The following PHACTR1 variants were observed in gnomAD, a reference collection of about 807,000 sequenced individuals.
The protein encoded by PHACTR1 is phosphatase and actin regulator 1, also known as RPEL repeat containing 1.
Under a neutral mutation model 69.2 loss-of-function variants are expected in PHACTR1, and 16 were observed. The observed-to-expected ratio is 0.23, with a 90% CI of 0.16 to 0.35. PHACTR1 has a LOEUF of 0.35. Among genes scored for constraint, PHACTR1 ranks in the 10% least tolerant of loss-of-function variants. The pLI, the probability that PHACTR1 is intolerant of heterozygous loss-of-function variation, is 1.00. For missense variants in PHACTR1, 510 were observed against 734.7 expected, an observed-to-expected ratio of 0.69 and a Z score of 3.54; for synonymous variants, 312 against 284.5, an observed-to-expected ratio of 1.10 and a Z score of -0.97.
chr6:13,074,016 G>A (rs1809983739), intron 5 of PHACTR1, among the ~76,000 whole-genome samples: 1 of 152,066 alleles, frequency 6.6e-6, no homozygotes, highest in Non-Finnish European at 1.5e-5. Flanking sequence ...GGGATTACAG[G>A]CGTATGCCAC....
At chr6:13,092,014 AG>A (rs1490840162) in intron 5 of PHACTR1, among the ~76,000 whole-genome samples, 1 of 152,108 alleles carries the variant, frequency 6.6e-6, no homozygotes, top group African/African-American at 2.4e-5. Context: ...TAGCCAGGAC[AG>A]TCTCGATCTC....
chr6:12,851,193 A>G (rs916477561), intron 4 of PHACTR1, among the ~76,000 whole-genome samples: 1 of 152,248 alleles, frequency 6.6e-6, no homozygotes, highest in Non-Finnish European at 1.5e-5. Flanking sequence ...CAGACTGATC[A>G]ACAAGAATTG....
At chr6:13,159,495 A>G (rs1190160610) in intron 5 of PHACTR1, among the ~76,000 whole-genome samples, 7 of 152,206 alleles carry the variant, frequency 4.6e-5, no homozygotes, top group Admixed American at 2.0e-4. Flanking sequence ...TGTTCAGGAA[A>G]GTTCAGTAAG....
At chr6:13,203,099 G>A (rs552130397) in intron 7 of PHACTR1, among the ~76,000 whole-genome samples, 59 of 152,330 alleles carry the variant, frequency 3.9e-4, no homozygotes, top group African/African-American at 1.2e-3. Flanking sequence ...CCACAACTGC[G>A]TGATCCTAAA....
At chr6:13,214,220 A>AAAG (rs1767335207) in intron 8 of PHACTR1, 1 of 24,284 alleles carries the variant, frequency 4.1e-5, no homozygotes, top group African/African-American at 9.9e-5. Flanking sequence ...CTTTCCCCTG[A>AAAG]AAAAAAAAAA....
Position 12,851,755 on chromosome 6 carries a change from G to A in PHACTR1, c.250+101965G>A, listed in dbSNP as rs555153252. Among the ~76,000 whole-genome samples, 9 of 152,204 alleles carry A rather than the reference G, an allele frequency of 5.9e-5. No individual in the cohort carries two copies. In the East Asian group the frequency reaches 7.7e-4, roughly 13 times the overall value. On this transcript the variant is annotated intron_variant, in intron 4 of 14. Transcript: ENST00000332995. ...TTACACAATCAGGCATTGCTCTGCC[G>A]AATGTTTTCTTTTGTCATGTATTCC...
chr6:12,921,482 A>AAGGAAGGAT (rs1787648074), intron 4 of PHACTR1, among the ~76,000 whole-genome samples: 1 of 134,656 alleles, frequency 7.4e-6, no homozygotes, highest in African/African-American at 2.9e-5. Context: ...GAAGGAAGGA[A>AAGGAAGGAT]GGAGGGAAGG....
chr6:12,837,136 G>A (rs1422539125), intron 4 of PHACTR1, among the ~76,000 whole-genome samples: 9 of 152,122 alleles, frequency 5.9e-5, no homozygotes, highest in Admixed American at 3.3e-4. Context: ...AGTGCAGCAA[G>A]CACAAAAACC....
At chr6:12,891,304 C>T (rs1315209358) in intron 4 of PHACTR1, among the ~76,000 whole-genome samples, 3 of 151,994 alleles carry the variant, frequency 2.0e-5, no homozygotes, top group Admixed American at 1.3e-4. Flanking sequence ...AAGTGGGTAA[C>T]ATGATGTAGT....
chr6:12,807,376 G>A (rs1774464128), intron 4 of PHACTR1, among the ~76,000 whole-genome samples: 1 of 152,102 alleles, frequency 6.6e-6, no homozygotes, highest in Admixed American at 6.6e-5. Flanking sequence ...TCCGCAACAG[G>A]CTGATGGCAT....
chr6:13,015,476 C>T (rs917961944), intron 4 of PHACTR1, among the ~76,000 whole-genome samples: 2 of 152,156 alleles, frequency 1.3e-5, no homozygotes, highest in African/African-American at 4.8e-5. Context: ...CTATGGAATA[C>T]AAATGGATTA....
chr6:13,089,079 C>T, intron 5 of PHACTR1, among the ~76,000 whole-genome samples: 1 of 152,206 alleles, frequency 6.6e-6, no homozygotes, highest in East Asian at 1.9e-4. Flanking sequence ...TGCAATCAGA[C>T]AGGGACCTTC....
At chr6:12,870,741 C>T (rs1781950318) in intron 4 of PHACTR1, among the ~76,000 whole-genome samples, 1 of 152,206 alleles carries the variant, frequency 6.6e-6, no homozygotes, top group African/African-American at 2.4e-5. Context: ...AGCCCATCCT[C>T]ATACTTCCAT....
rs549281364 is a variant in PHACTR1, at chr6:13,000,840, G to A, written c.251-52525G>A. 1.0e-3 allele frequency among the ~76,000 whole-genome samples: 158 copies of A among 152,172 alleles called. 1 individual carries two copies. Among genetic ancestry groups the A allele is most frequent in the African/African-American group, 3.7e-3 (155 of 41,512 alleles). On this transcript the variant is annotated intron_variant, in intron 4 of 14. Transcript: ENST00000332995. ...GTGTCATTTTTCCTCTTCCAACAAG[G>A]TTATTTATGTTTCTTTCTTCCCCAA... is the stretch of plus-strand genomic sequence containing the variant.
chr6:13,110,379 T>A (rs2127901758), intron 5 of PHACTR1, among the ~76,000 whole-genome samples: 1 of 152,342 alleles, frequency 6.6e-6, no homozygotes, highest in East Asian at 1.9e-4. Flanking sequence ...TTCTGGGATC[T>A]GTGCACAATG....
At chr6:12,932,146 C>T (rs973679000) in intron 4 of PHACTR1, among the ~76,000 whole-genome samples, 2 of 152,190 alleles carry the variant, frequency 1.3e-5, no homozygotes, top group Admixed American at 6.5e-5. Flanking sequence ...AGTGACTTTG[C>T]TTCAATAACC....
intron 3 of PHACTR1, among the ~76,000 whole-genome samples, chr6:12,723,855 A>T (rs773281729): frequency 1.3e-5 from 2 of 152,180 alleles, no homozygotes; most frequent in Non-Finnish European, 2.9e-5. Flanking sequence ...CACACACGGT[A>T]ATCTTTTAAA....
intron 4 of PHACTR1, among the ~76,000 whole-genome samples, chr6:12,782,241 C>G (rs1425477568): frequency 6.6e-6 from 1 of 152,168 alleles, no homozygotes; most frequent in Admixed American, 6.5e-5. Flanking sequence ...GCTTCTTGAT[C>G]AAATTCATTA....
chr6:13,036,114 G>T (rs1250907319), intron 4 of PHACTR1, among the ~76,000 whole-genome samples: 1 of 149,946 alleles, frequency 6.7e-6, no homozygotes, highest in African/African-American at 2.4e-5. Context: ...ACAGTGATGG[G>T]ATTAAATCCA....
Sources: allele counts gnomAD v4.1 joint callset (sites outside exome capture counted in the v4.1 genomes callset), GRCh38; gene constraint gnomAD v4.1.1; transcripts MANE v1.5; gene names NCBI Gene and HGNC (gene_info 2026-07-23, HGNC 2026-07-21).